CNTFR: variants seen among roughly 807,000 people sequenced by gnomAD.
CNTFR encodes ciliary neurotrophic factor receptor subunit alpha.
In CNTFR, 12 loss-of-function variants were observed where a neutral mutation model predicts 40.4. The observed-to-expected ratio is 0.30, with a 90% CI of 0.19 to 0.48. The LOEUF (loss-of-function observed/expected upper bound fraction) is 0.48. CNTFR is among the 20% of genes least tolerant of loss of function. CNTFR has a pLI of 0.99. For synonymous variants in CNTFR, 202 were observed against 209.6 expected (o/e 0.96, Z 0.31); for missense variants, 414 against 506.8 (o/e 0.82, Z 1.76).
intron 7 of CNTFR, among the ~76,000 whole-genome samples, chr9:34,553,778 C>G (rs1005548029): frequency 6.6e-6 from 1 of 152,262 alleles, no homozygotes; most frequent in African/African-American, 2.4e-5. Context: ...CAGGCCCAGG[C>G]TGGGCTCTGG....
At chr9:34,584,732 A>G (rs1472350176) in intron 1 of CNTFR, among the ~76,000 whole-genome samples, 1 of 152,210 alleles carries the variant, frequency 6.6e-6, no homozygotes, top group African/African-American at 2.4e-5. Flanking sequence ...CACATAGGGA[A>G]AAAAGGACCT....
At chr9:34,580,185 A>G (rs1459354770) in intron 2 of CNTFR, 1 of 152,284 alleles carries the variant, frequency 6.6e-6, no homozygotes, top group Non-Finnish European at 1.5e-5. Flanking sequence ...CAAATAAGCC[A>G]TCAGACTCCT....
chr9:34,576,409 C>T (rs1053606404), intron 2 of CNTFR, among the ~76,000 whole-genome samples: 3 of 152,212 alleles, frequency 2.0e-5, no homozygotes, highest in African/African-American at 4.8e-5. Flanking sequence ...GGCCCCCAGT[C>T]GCCCTTGGCC....
intron 1 of CNTFR, among the ~76,000 whole-genome samples, chr9:34,585,119 C>T (rs142977360): frequency 1.3e-4 from 20 of 152,274 alleles, no homozygotes; most frequent in Admixed American, 6.5e-4. Flanking sequence ...GCATTCGGTC[C>T]AATGAGACAG....
At chr9:34,563,253 C>T (rs942540011) in intron 4 of CNTFR, among the ~76,000 whole-genome samples, 1 of 152,250 alleles carries the variant, frequency 6.6e-6, no homozygotes, top group Non-Finnish European at 1.5e-5. Context: ...TGCAGTTATT[C>T]GCCTAAGAGC....
In CNTFR at chr9:34,552,913, C is replaced by T. The variant is rs189358546; in HGVS notation, c.769-59G>A. The T allele has an allele frequency of 7.1e-5, 111 of 1,563,248 alleles. No homozygotes were observed. The highest frequency in any genetic ancestry group is 1.7e-4 in the Middle Eastern group (1 of 5,940). ...CACCTGGGGGCCAGGAGGGTGAGGTCCCTCCAGAGGAAGTGAGCATGCCTC... is the reference window on the plus strand; with the variant it reads ...CACCTGGGGGCCAGGAGGGTGAGGTTCCTCCAGAGGAAGTGAGCATGCCTC... On this transcript the variant is annotated intron_variant, in intron 7 of 9. Coordinates refer to ENST00000378980, the MANE Select transcript of CNTFR (RefSeq NM_147164.3). This position sits in a 1 kb window ranked among gnomAD's most constrained non-coding sequence, Gnocchi z 5.1.
At chr9:34,562,764 ACT>A (rs1826122551) in intron 4 of CNTFR, among the ~76,000 whole-genome samples, 1 of 152,128 alleles carries the variant, frequency 6.6e-6, no homozygotes, top group South Asian at 2.1e-4. Context: ...CAGAGTATTC[ACT>A]CTGTTGGTGG....
chr9:34,562,416 A>G (rs935323515), intron 4 of CNTFR, among the ~76,000 whole-genome samples: 3 of 152,206 alleles, frequency 2.0e-5, no homozygotes, highest in Admixed American at 2.0e-4. Context: ...GTTTAGACAC[A>G]TTAAACAATA....
intron 4 of CNTFR, among the ~76,000 whole-genome samples, chr9:34,563,098 C>T (rs1287459137): frequency 2.0e-5 from 3 of 152,096 alleles, no homozygotes; most frequent in African/African-American, 4.8e-5. Flanking sequence ...GGCCTCTCCC[C>T]GAATCCCAGA....
At chr9:34,587,171 G>A (rs751089177) in intron 1 of CNTFR, among the ~76,000 whole-genome samples, 5 of 152,074 alleles carry the variant, frequency 3.3e-5, no homozygotes, top group African/African-American at 4.8e-5. Context: ...AAGTGAGAGA[G>A]CCTGTGAGTC....
intron 3 of CNTFR, among the ~76,000 whole-genome samples, 197 bp downstream of exon 3, chr9:34,568,700 G>A (rs892469240): frequency 3.3e-5 from 5 of 152,088 alleles, no homozygotes; most frequent in Non-Finnish European, 7.4e-5. Context: ...CAGAGACACC[G>A]TCAGCATTCG....
chr9:34,556,149 G>T, intron 7 of CNTFR, 106 bp downstream of exon 7: 1 of 1,243,712 alleles, frequency 8.0e-7, no homozygotes, highest in Non-Finnish European at 1.1e-6. Context: ...AGAGCCTGAT[G>T]CATCAGGTCT....
chr9:34,573,732 C>G (rs1381616941), intron 2 of CNTFR, among the ~76,000 whole-genome samples: 1 of 152,284 alleles, frequency 6.6e-6, no homozygotes, highest in East Asian at 1.9e-4. Flanking sequence ...GCCTCATCTC[C>G]TTCACCTCTC....
intron 3 of CNTFR, among the ~76,000 whole-genome samples, chr9:34,566,413 G>A (rs1331286325): frequency 3.3e-5 from 5 of 152,248 alleles, no homozygotes; most frequent in Admixed American, 6.5e-5. Flanking sequence ...GGTGGCTGGG[G>A]GCCTTGGAGG....
Position 34,552,241 on chromosome 9 carries a change from G to A in CNTFR, c.1038C>T (p.Pro346=). 6.4e-7 allele frequency: 1 copy of A among 1,555,508 alleles called. No homozygotes were observed. The change falls in exon 9 of 10, where the codon CCC becomes CCT. Residue 346 remains proline, a synonymous_variant. Coordinates refer to ENST00000378980, the MANE Select transcript of CNTFR (RefSeq NM_147164.3). The surrounding 1 kb of genome is among the most constrained non-coding windows in gnomAD (Gnocchi z 5.1). ...DPGELGSGGG[P]SAPFLVSVPI... ...GGACGCTGACCAAGAAGGGTGCCGA[G>A]GGTCCCCCGCCGCTGCCCAGCTCCC...
chr9:34,588,892 C>T (rs1827657726), intron 1 of CNTFR, among the ~76,000 whole-genome samples: 1 of 152,116 alleles, frequency 6.6e-6, no homozygotes, highest in Non-Finnish European at 1.5e-5. Flanking sequence ...CTGGAGGAGA[C>T]ACACACGAGC....
intron 2 of CNTFR, among the ~76,000 whole-genome samples, chr9:34,575,757 C>A (rs1171836546): frequency 8.1e-6 from 1 of 123,228 alleles, no homozygotes; most frequent in Non-Finnish European, 1.6e-5. Context: ...ACAAAAAAAA[C>A]CTGAAGATGG....
intron 2 of CNTFR, among the ~76,000 whole-genome samples, chr9:34,579,405 G>A (rs1055716994): frequency 6.6e-6 from 1 of 152,112 alleles, no homozygotes; most frequent in African/African-American, 2.4e-5. Context: ...GGGGTTGGGG[G>A]AGAAGGAGGG....
At chr9:34,580,577 C>T (rs1042545481) in intron 2 of CNTFR, among the ~76,000 whole-genome samples, 8 of 152,316 alleles carry the variant, frequency 5.3e-5, no homozygotes, top group Admixed American at 3.3e-4. Flanking sequence ...CCTTCCGTTC[C>T]GCTCCAGTGC....
Sources: allele counts gnomAD v4.1 joint callset (sites outside exome capture counted in the v4.1 genomes callset), GRCh38; gene constraint gnomAD v4.1.1; non-coding constraint Gnocchi (gnomAD v3.1); transcripts MANE v1.5; gene names NCBI Gene and HGNC (gene_info 2026-07-23, HGNC 2026-07-21).